Variants in GULP1 observed in about 807,000 individuals in gnomAD.
GULP1 encodes the protein PTB domain-containing engulfment adapter protein 1.
GULP1 carries 19 observed loss-of-function variants against 40.9 expected under a neutral mutation model. That is an observed-to-expected ratio of 0.46 (90% CI 0.32 to 0.68). The LOEUF is 0.68. Among genes scored for constraint, GULP1 ranks in the 30% least tolerant of loss-of-function variants. The pLI is 0.03. For missense variants in GULP1, 312 were observed against 362.2 expected (o/e 0.86, Z 1.12); for synonymous variants, 119 against 117.6 (o/e 1.01, Z -0.08).
chr2:188,425,764 T>G (rs77814900), intron 2 of GULP1, among the ~76,000 whole-genome samples: 8,107 of 152,208 alleles, frequency 0.053, 722 homozygotes, highest in African/African-American at 0.18. Flanking sequence ...TGTTTGCATT[T>G]CTTTTTGTCT....
At chr2:188,461,317 G>A (rs899966158) in intron 2 of GULP1, among the ~76,000 whole-genome samples, 18 of 144,050 alleles carry the variant, frequency 1.2e-4, no homozygotes, top group African/African-American at 4.9e-4. Context: ...TTACTGGTAA[G>A]CTTTTTTTTT....
chr2:188,313,593 A>G (rs2038553141), intron 1 of GULP1, among the ~76,000 whole-genome samples: 1 of 151,986 alleles, frequency 6.6e-6, no homozygotes, highest in African/African-American at 2.4e-5. Context: ...TCTTGGCTAT[A>G]TGGGGTGTTC....
At chr2:188,423,822 T>C (rs2055787886) in intron 2 of GULP1, among the ~76,000 whole-genome samples, 1 of 151,800 alleles carries the variant, frequency 6.6e-6, no homozygotes, top group Non-Finnish European at 1.5e-5. Context: ...ATTTCTCTCA[T>C]CTGCTTCTAG....
At chr2:188,432,820 C>T (rs973263684) in intron 2 of GULP1, among the ~76,000 whole-genome samples, 2 of 151,880 alleles carry the variant, frequency 1.3e-5, no homozygotes, top group Admixed American at 6.6e-5. Context: ...ATTTTCAAGC[C>T]AATTTGGTAC....
rs12151472 is a variant in GULP1 at position 188,324,830 on chromosome 2, C to A, written c.-172+32664C>A. On this transcript the variant is annotated intron_variant, in intron 1 of 11. Transcript: ENST00000409830. ...GACACATCATGATAAAACTACAGAA[C>A]CTAAGGAATTAGGAGATGATCTCAA... 6.7e-3 allele frequency among the ~76,000 whole-genome samples: 1,018 copies of A among 151,706 alleles called. 4 individuals are homozygous for A. The highest frequency in any genetic ancestry group is 0.011 in the South Asian group (55 of 4,818).
At chr2:188,434,463 T>C (rs2057219298) in intron 2 of GULP1, among the ~76,000 whole-genome samples, 1 of 151,772 alleles carries the variant, frequency 6.6e-6, no homozygotes, top group Non-Finnish European at 1.5e-5. Context: ...ATTTTTTTAA[T>C]TTTTAATTTT....
intron 1 of GULP1, among the ~76,000 whole-genome samples, chr2:188,367,989 T>A (rs2047024528): frequency 6.6e-6 from 1 of 152,132 alleles, no homozygotes; most frequent in Non-Finnish European, 1.5e-5. Flanking sequence ...CCTTTTCATC[T>A]CTTTCTTTTG....
intron 4 of GULP1, among the ~76,000 whole-genome samples, chr2:188,489,385 A>G (rs540290356): frequency 1.3e-5 from 2 of 152,158 alleles, no homozygotes; most frequent in Admixed American, 6.6e-5. Context: ...AAAGAGCTCA[A>G]TTGCATTTCC....
intron 1 of GULP1, among the ~76,000 whole-genome samples, chr2:188,372,441 CT>C (rs1217818903): frequency 2.0e-5 from 3 of 151,968 alleles, no homozygotes; most frequent in Non-Finnish European, 4.4e-5. Context: ...TCTGACATCA[CT>C]TGTTGGAAAA....
At chr2:188,557,229 T>C (rs964168619) in intron 7 of GULP1, among the ~76,000 whole-genome samples, 15 of 152,176 alleles carry the variant, frequency 9.9e-5, no homozygotes, top group African/African-American at 3.1e-4. Context: ...CCCCAAAGTC[T>C]TAACTTGTTT....
chr2:188,307,617 T>G lies in GULP1; in HGVS notation c.-172+15451T>G, dbSNP rs532509017. 2.2e-3 allele frequency among the ~76,000 whole-genome samples: 335 copies of G among 152,300 alleles called. 3 individuals are homozygous for G. Among genetic ancestry groups the G allele is most frequent in the East Asian group, 7.7e-4 (4 of 5,194 alleles). On this transcript the variant is annotated intron_variant, in intron 1 of 11. Transcript: ENST00000409830. Reference sequence around the variant, plus strand: ...ATTAATTTATGCTGTTGAAACACATTTAAGAATACTGGAGTTTAGTATAAA... The same window carrying G: ...ATTAATTTATGCTGTTGAAACACATGTAAGAATACTGGAGTTTAGTATAAA...
chr2:188,404,182 TTAAAAGAAACCCTCAA>T (rs1294294761), intron 2 of GULP1, among the ~76,000 whole-genome samples: 1 of 152,152 alleles, frequency 6.6e-6, no homozygotes, highest in Non-Finnish European at 1.5e-5. Flanking sequence ...ACTAATGTTT[TTAAAAGAAACCCTCAA>T]TAAATTCATA....
chr2:188,589,463 A>G (rs919852959), intron 11 of GULP1: 53 of 249,158 alleles, frequency 2.1e-4, no homozygotes, highest in African/African-American at 1.2e-3. Flanking sequence ...ACAAAGAAAT[A>G]TTTATGTGGT....
chr2:188,437,727 A>G (rs2057541820), intron 2 of GULP1, among the ~76,000 whole-genome samples: 1 of 152,138 alleles, frequency 6.6e-6, no homozygotes, highest in Non-Finnish European at 1.5e-5. Flanking sequence ...CATATACAGC[A>G]TGGAATACTA....
At chr2:188,377,800 C>T (rs10931356) in intron 1 of GULP1, among the ~76,000 whole-genome samples, 74,288 of 151,934 alleles carry the variant, frequency 0.49, 18,629 homozygotes, top group East Asian at 0.7. Flanking sequence ...ACAATATATA[C>T]GCCAATTTTC....
At chr2:188,556,391 C>T (rs1325261924) in intron 7 of GULP1, among the ~76,000 whole-genome samples, 1 of 152,008 alleles carries the variant, frequency 6.6e-6, no homozygotes, top group African/African-American at 2.4e-5. Flanking sequence ...CTCTTTCGTT[C>T]TTCTAAAACA....
intron 7 of GULP1, among the ~76,000 whole-genome samples, chr2:188,547,857 C>T (rs1322633524): frequency 1.3e-5 from 2 of 152,014 alleles, no homozygotes; most frequent in Non-Finnish European, 2.9e-5. Flanking sequence ...TATAATCAAC[C>T]ACATGGAAAA....
At chr2:188,535,157 GTTAT>G in intron 6 of GULP1, among the ~76,000 whole-genome samples, 1 of 150,482 alleles carries the variant, frequency 6.6e-6, no homozygotes, top group East Asian at 1.9e-4. Flanking sequence ...TATTTTTTCT[GTTAT>G]TTATTTCTAC....
intron 1 of GULP1, among the ~76,000 whole-genome samples, chr2:188,377,455 A>G (rs2048441220): frequency 6.6e-6 from 1 of 152,140 alleles, no homozygotes. Context: ...TCTCAGTGGA[A>G]CTCACCTTTC....
Sources: allele counts gnomAD v4.1 joint callset (sites outside exome capture counted in the v4.1 genomes callset), GRCh38; gene constraint gnomAD v4.1.1; transcripts MANE v1.5; gene names NCBI Gene and HGNC (gene_info 2026-07-23, HGNC 2026-07-21).